The following NLRC3 variants were observed in gnomAD, a reference collection of about 807,000 sequenced individuals.
The protein encoded by NLRC3 is NLR family CARD domain containing 3.
A neutral mutation model predicts 91.6 loss-of-function variants in NLRC3; 87 were observed. The ratio of observed to expected loss-of-function variants is 0.95; its 90% CI spans 0.80 to 1.14. The LOEUF (loss-of-function observed/expected upper bound fraction) is 1.14. Ranked by LOEUF, NLRC3 falls within the 50% of genes most tolerant of loss-of-function variation. The probability of loss-of-function intolerance (pLI) is 0.00; values close to 1 mark genes in which losing one functional copy is unlikely to be tolerated. For missense variants in NLRC3, 1,577 were observed against 1,418.6 expected, an observed-to-expected ratio of 1.11 and a Z score of -1.79; for synonymous variants, 694 against 625.3, an observed-to-expected ratio of 1.11 and a Z score of -1.64.
rs199476286 is a variant in NLRC3 at position 3,548,149 on chromosome 16, G to A, written c.2757C>T (p.Ser919=). 1 of 1,588,716 alleles carries A rather than the reference G, an allele frequency of 6.3e-7. No individual in the cohort carries two copies. The highest frequency in any genetic ancestry group is 8.6e-7 in the Non-Finnish European group (1 of 1,167,416). ...GGCCAACTTACTCTAAGCTGGTGAG[G>A]CTCCTGTTGAGCTGTAGTGCTTGTC... ...ALGQALQLNR[S]LTSLDLQENA... The change falls in exon 15 of 20, where the codon AGC becomes AGT. Residue 919 remains serine (S), a synonymous_variant. Coordinates refer to ENST00000359128, the MANE Select transcript of NLRC3 (RefSeq NM_178844.4).
intron 11 of NLRC3, among the ~76,000 whole-genome samples, chr16:3,550,004 A>T (rs74005834): frequency 0.025 from 3,874 of 152,050 alleles, 153 homozygotes; most frequent in African/African-American, 0.083. Context: ...CAAACCCCCA[A>T]ATGTAGACCC....
In NLRC3 at chr16:3,564,953, G is replaced by T; in HGVS notation, c.84C>A (p.Leu28=). 1.9e-6 allele frequency: 3 copies of T among 1,610,850 alleles called. No individual in the cohort carries two copies. The change falls in exon 4 of 20, where the codon CTC becomes CTA. Residue 28 remains leucine, a synonymous_variant. Transcript: ENST00000359128. This position sits in a 1 kb window ranked among gnomAD's most constrained non-coding sequence, Gnocchi z 5.9. ...TGSPAEQVKA[L]MDLLAGKGSQ... ...TGCCCTTCCCAGCCAGCAGATCCATGAGGGCTTTCACCTGCTCGGCTGGGG... is the reference window on the plus strand; with the variant it reads ...TGCCCTTCCCAGCCAGCAGATCCATTAGGGCTTTCACCTGCTCGGCTGGGG...
At chr16:3,546,084 C>T (rs975247917) in intron 15 of NLRC3, among the ~76,000 whole-genome samples, 2 of 152,034 alleles carry the variant, frequency 1.3e-5, no homozygotes, top group African/African-American at 4.8e-5. Context: ...ACCGACCCAA[C>T]AGGACTTGAC....
At chr16:3,568,600 G>A (rs548655380) in intron 1 of NLRC3, among the ~76,000 whole-genome samples, 37 of 152,298 alleles carry the variant, frequency 2.4e-4, no homozygotes, top group African/African-American at 8.2e-4. Flanking sequence ...GGTGGTTCAC[G>A]CCTGTAGTCC....
intron 17 of NLRC3, chr16:3,543,219 C>T: frequency 1.8e-6 from 1 of 562,282 alleles, no homozygotes; most frequent in East Asian, 3.2e-5. Context: ...TTCAGCCTGG[C>T]AAGGCCAACC....
rs1596460347 is a variant in NLRC3, at chr16:3,554,423, G to T, written c.2184-98C>A. Reference sequence around the variant, plus strand: ...GTGGGGGCACCTCTGTGGAGCAAGGGGTTCTGACCACTACGTGCCCTCACC... The same window carrying T: ...GTGGGGGCACCTCTGTGGAGCAAGGTGTTCTGACCACTACGTGCCCTCACC... On this transcript the variant is annotated intron_variant, in intron 8 of 19. Transcript: ENST00000359128. 3.5e-6 allele frequency: 3 copies of T among 845,152 alleles called. No individual in the cohort carries two copies. The East Asian group carries it at 7.9e-5, about 22-fold the overall frequency. The allele number at this position is 845,152 out of a possible 1,614,324, so 52.4% of individuals were successfully genotyped here. A position where few individuals can be genotyped will look rare whatever the true frequency, so the allele number is the denominator to read the frequency against.
intron 10 of NLRC3, among the ~76,000 whole-genome samples, chr16:3,551,876 T>TCCAC (rs755563153): frequency 6.8e-6 from 1 of 147,066 alleles, no homozygotes; most frequent in Non-Finnish European, 1.5e-5. Context: ...CAACCATCCA[T>TCCAC]CCACCCACCC....
Position 3,559,938 on chromosome 16 carries a change from T to C in NLRC3, c.2015+1764A>G, listed in dbSNP as rs529334512. 5.9e-5 allele frequency among the ~76,000 whole-genome samples: 9 copies of C among 151,952 alleles called. No individual in the cohort carries two copies. The South Asian group carries it at 6.3e-4, about 11-fold the overall frequency. ...GATTAAAGGCATGAGCCACCGCCCC[T>C]GGCCTAGATATCCTTTTAAGCCCAT... is the stretch of plus-strand genomic sequence containing the variant. On this transcript the variant is annotated intron_variant, in intron 6 of 19. Transcript: ENST00000359128.
intron 9 of NLRC3, among the ~76,000 whole-genome samples, chr16:3,553,534 T>C (rs926498874): frequency 6.6e-6 from 1 of 152,314 alleles, no homozygotes; most frequent in African/African-American, 2.4e-5. Flanking sequence ...CCTGGCCCTC[T>C]TGCCTGAGGA....
In NLRC3 at chr16:3,563,745, C is replaced by T; in HGVS notation, c.1192G>A (p.Gly398Arg). 1 of 1,613,516 alleles carries T rather than the reference C, an allele frequency of 6.2e-7. No individual in the cohort carries two copies. The highest frequency in any genetic ancestry group is 1.3e-5 in the African/African-American group (1 of 75,074). ...TGGAAGGCCAGACGGCCCAATGTCC[C>T]CACCATCTTGCGGCCACCATGGGCC... ...QVAHGGRKMVGTLGRLAFHGL... is the reference protein window; with the variant it reads ...QVAHGGRKMVRTLGRLAFHGL... The change falls in exon 5 of 20, where the codon GGG becomes AGG. Residue 398 changes from glycine to arginine, a missense_variant. Transcript: ENST00000359128.
chr16:3,542,748 A>G lies in NLRC3; in HGVS notation c.2967T>C (p.Ala989=). The G allele has an allele frequency of 2.5e-6, 4 of 1,609,440 alleles. No homozygotes were observed. Among genetic ancestry groups the G allele is most frequent in the Non-Finnish European group, 3.4e-6 (4 of 1,177,956 alleles). ...LDLRGNAIGV[A]GAKALANALK... is the part of the protein sequence containing the mutation. ...GAGCATTTGCCAGGGCTTTGGCTCCAGCCACCCCAATGGCATTTCCTCTTA... is the reference window on the plus strand; with the variant it reads ...GAGCATTTGCCAGGGCTTTGGCTCCGGCCACCCCAATGGCATTTCCTCTTA... The change falls in exon 18 of 20, where the codon GCT becomes GCC. Residue 989 remains alanine, a synonymous_variant. Coordinates refer to ENST00000359128, the MANE Select transcript of NLRC3 (RefSeq NM_178844.4).
chr16:3,547,086 A>C (rs2038729444), intron 15 of NLRC3, among the ~76,000 whole-genome samples: 1 of 152,198 alleles, frequency 6.6e-6, no homozygotes, highest in Non-Finnish European at 1.5e-5. Flanking sequence ...GTCCACACAG[A>C]AACTGGTGCA....
At chr16:3,562,770 G>T (rs1331710308) in intron 5 of NLRC3, 3 of 606,774 alleles carry the variant, frequency 4.9e-6, no homozygotes, top group Non-Finnish European at 8.9e-6. Flanking sequence ...AGAGAGGAAG[G>T]AAAGAACCTC....
chr16:3,543,249 T>A (rs1471910752), intron 17 of NLRC3, 176 bp downstream of exon 17: 5 of 603,732 alleles, frequency 8.3e-6, no homozygotes, highest in Non-Finnish European at 1.5e-5. Flanking sequence ...GGGCAAATGA[T>A]AGCGACTCCC....
At chr16:3,544,851 C>G (rs2038609096) in intron 15 of NLRC3, 1 of 156,326 alleles carries the variant, frequency 6.4e-6, no homozygotes, top group African/African-American at 2.4e-5. Context: ...TGCCCCCATG[C>G]CCGGCTAATG....
intron 2 of NLRC3, among the ~76,000 whole-genome samples, chr16:3,566,146 C>T (rs2039875827): frequency 8.1e-6 from 1 of 123,302 alleles, no homozygotes; most frequent in Non-Finnish European, 1.6e-5. Flanking sequence ...CCAGAGTATA[C>T]ACTATGGACA....
At position 3,542,217 on chromosome 16, in the gene NLRC3, A is replaced by C. The variant is rs940761902; in HGVS notation, c.3081T>G (p.Ser1027=). 6.3e-7 allele frequency: 1 copy of C among 1,592,386 alleles called. No individual in the cohort carries two copies. The highest frequency in any genetic ancestry group is 1.2e-5 in the South Asian group (1 of 86,852). Residue 1027 remains serine (S), a synonymous_variant, in exon 19 of 20, where the codon TCT becomes TCG. Coordinates refer to ENST00000359128, the MANE Select transcript of NLRC3 (RefSeq NM_178844.4). ...DGAICIATAL[S]GNHRLQHINL... is the part of the protein sequence containing the mutation. Reference sequence around the variant, plus strand: ...TGATATGCTGGAGCCTGTGGTTTCCAGACAGTGCTGTGGCAATGCATATCG... The same window carrying C: ...TGATATGCTGGAGCCTGTGGTTTCCCGACAGTGCTGTGGCAATGCATATCG...
chr16:3,574,391 C>CGGT (rs1200004187), intron 1 of NLRC3, among the ~76,000 whole-genome samples: 19 of 152,042 alleles, frequency 1.2e-4, no homozygotes, highest in Non-Finnish European at 2.2e-4. Context: ...TAAGCTCCTC[C>CGGT]GGTGGTTCTA....
intron 1 of NLRC3, 118 bp downstream of exon 1, chr16:3,577,031 G>T: frequency 1.4e-6 from 1 of 691,120 alleles, no homozygotes; most frequent in Non-Finnish European, 2.6e-6. Context: ...TTGGAGTCTC[G>T]TGGAGTCTCC....
Sources: gnomAD v4.1 joint callset for allele counts (sites outside exome capture counted in the v4.1 genomes callset) on GRCh38, gnomAD v4.1.1 for gene constraint, Gnocchi (gnomAD v3.1) non-coding constraint, MANE v1.5 for transcripts, NCBI Gene and HGNC (gene_info 2026-07-23, HGNC 2026-07-21) for gene names.